The following ANO10 variants were observed in gnomAD, a reference collection of about 807,000 sequenced individuals.
The protein encoded by ANO10 is anoctamin-10.
A neutral mutation model predicts 74.7 loss-of-function variants in ANO10; 77 were observed. That is an observed-to-expected ratio of 1.03 (90% CI 0.86 to 1.25). The LOEUF (loss-of-function observed/expected upper bound fraction) is 1.25, where lower values mean the gene tolerates loss of function less well. ANO10 is among the 50% of genes most tolerant of loss of function. ANO10 has a pLI of 0.00. For synonymous variants in ANO10, 279 were observed against 284.9 expected (o/e 0.98, Z 0.21); for missense variants, 721 against 778.1 (o/e 0.93, Z 0.87).
chr3:43,628,301 C>T (rs2083511690), intron 1 of ANO10, among the ~76,000 whole-genome samples: 1 of 152,166 alleles, frequency 6.6e-6, no homozygotes, highest in South Asian at 2.1e-4. Context: ...CCTGTCTTTA[C>T]TGCAATCTGT....
intron 1 of ANO10, among the ~76,000 whole-genome samples, chr3:43,688,768 TG>T (rs907111193): frequency 3.3e-5 from 5 of 151,138 alleles, no homozygotes; most frequent in African/African-American, 1.2e-4. Flanking sequence ...TGCTTGAACC[TG>T]GGAGGTGCAG....
chr3:43,372,804 C>T (rs979735257), intron 12 of ANO10: 1 of 1,532,490 alleles, frequency 6.5e-7, no homozygotes, highest in South Asian at 1.2e-5. Context: ...TGAGTTGGTG[C>T]TCCATGAATA....
At chr3:43,458,276 A>G (rs2075228450) in intron 11 of ANO10, among the ~76,000 whole-genome samples, 1 of 152,186 alleles carries the variant, frequency 6.6e-6, no homozygotes, top group South Asian at 2.1e-4. Context: ...AGATCCTTAT[A>G]GCACCCCACA....
chr3:43,555,421 T>A lies in ANO10; in HGVS notation c.1525A>T (p.Ser509Cys). ...LELFLQFGYV[S>C]LFSCVYPLAA... is the part of the protein sequence containing the mutation. Reference sequence around the variant, plus strand: ...AATGGGTAAACACAGGAGAAAAGGCTCACATAACCAAACTGCAGGAATAAC... The same window carrying A: ...AATGGGTAAACACAGGAGAAAAGGCACACATAACCAAACTGCAGGAATAAC... Residue 509 changes from serine (S) to cysteine (C), a missense_variant, in exon 10 of 13, where the codon AGC (serine) becomes TGC (cysteine). Ser to Cys is a moderately radical substitution (Grantham distance 112, BLOSUM62 -1). Coordinates refer to ENST00000292246, the MANE Select transcript of ANO10 (RefSeq NM_018075.5). 1 of 1,614,116 alleles carries A rather than the reference T, an allele frequency of 6.2e-7. No individual in the cohort carries two copies. Among genetic ancestry groups the A allele is most frequent in the African/African-American group, 1.3e-5 (1 of 75,044 alleles).
chr3:43,646,762 A>G (rs1436320449), intron 1 of ANO10, among the ~76,000 whole-genome samples: 1 of 152,138 alleles, frequency 6.6e-6, no homozygotes, highest in Admixed American at 6.5e-5. Context: ...TGCCTGCCTC[A>G]GCCTCCCAAA....
At chr3:43,657,623 T>A (rs1299842045) in intron 1 of ANO10, among the ~76,000 whole-genome samples, 1 of 152,238 alleles carries the variant, frequency 6.6e-6, no homozygotes, top group Non-Finnish European at 1.5e-5. Flanking sequence ...AGAAAACTAG[T>A]TTAATCAATC....
intron 1 of ANO10, among the ~76,000 whole-genome samples, chr3:43,614,092 T>A (rs1386877258): frequency 1.3e-5 from 2 of 152,150 alleles, no homozygotes; most frequent in Non-Finnish European, 2.9e-5. Context: ...GAATGTCTAG[T>A]TTAAGGGAAC....
intron 11 of ANO10, among the ~76,000 whole-genome samples, chr3:43,529,662 C>T (rs928789846): frequency 1.3e-5 from 2 of 151,714 alleles, no homozygotes; most frequent in African/African-American, 2.4e-5. Flanking sequence ...ATAATGAGAG[C>T]AGAAGAGAAA....
intron 11 of ANO10, among the ~76,000 whole-genome samples, chr3:43,476,529 T>C (rs2076071901): frequency 6.6e-6 from 1 of 152,230 alleles, no homozygotes. Flanking sequence ...CTTCATGTTA[T>C]ATCAGATAAA....
chr3:43,691,055 A>AG, intron 1 of ANO10: 1 of 1,544,612 alleles, frequency 6.5e-7, no homozygotes, highest in South Asian at 1.2e-5. Context: ...CGCAGCCGGC[A>AG]GGGGGCTTCG....
rs141040660 is a variant in ANO10 at position 43,549,834 on chromosome 3, C to T, written c.1683G>A (p.Thr561=). The change falls in exon 11 of 13, where the codon ACG becomes ACA. Residue 561 remains threonine, a synonymous_variant. Coordinates refer to ENST00000292246, the MANE Select transcript of ANO10 (RefSeq NM_018075.5). ...TAGTGACCACAGATATAACACTCAT[C>T]GTTTCAAAAGCCAACTAAAAGAAAA... ...NIGVWQLAFE[T]MSVISVVTNC... 18 of 1,613,674 alleles carry T rather than the reference C, an allele frequency of 1.1e-5. No individual in the cohort carries two copies. Among genetic ancestry groups the T allele is most frequent in the African/African-American group, 6.7e-5 (5 of 74,866 alleles).
intron 11 of ANO10, among the ~76,000 whole-genome samples, chr3:43,544,430 CAT>C (rs1391608655): frequency 2.6e-5 from 4 of 151,824 alleles, no homozygotes; most frequent in African/African-American, 9.7e-5. Context: ...ACACAGTTCT[CAT>C]AATACAGCAG....
In ANO10 at chr3:43,418,964, T is replaced by A. The variant is rs1168933061; in HGVS notation, c.1914+13647A>T. Among the ~76,000 whole-genome samples the A allele has an allele frequency of 3.9e-5, 6 of 152,378 alleles. No homozygotes were observed. The East Asian group carries it at 1.2e-3, about 29-fold the overall frequency. On this transcript the variant is annotated intron_variant, in intron 12 of 12. Coordinates refer to ENST00000292246, the MANE Select transcript of ANO10 (RefSeq NM_018075.5). ...ATTACAGCAGCAGAACTATTAGCTGTGATAGAGACTGGATGGCCCACGTGC... is the reference window on the plus strand; with the variant it reads ...ATTACAGCAGCAGAACTATTAGCTGAGATAGAGACTGGATGGCCCACGTGC...
At chr3:43,659,187 C>A (rs2083891510) in intron 1 of ANO10, among the ~76,000 whole-genome samples, 1 of 152,128 alleles carries the variant, frequency 6.6e-6, no homozygotes, top group South Asian at 2.1e-4. Context: ...GTACCTGGTT[C>A]ATCTCACTGG....
intron 8 of ANO10, 129 bp downstream of exon 8, chr3:43,565,524 G>T: frequency 2.5e-6 from 2 of 811,050 alleles, no homozygotes; most frequent in Non-Finnish European, 3.9e-6. Flanking sequence ...TTTAGAATTT[G>T]GCTTAAAAAC....
chr3:43,504,810 T>A (rs1042443075), intron 11 of ANO10, among the ~76,000 whole-genome samples: 27 of 152,016 alleles, frequency 1.8e-4, no homozygotes, highest in African/African-American at 6.3e-4. Flanking sequence ...CTTGGCTAAT[T>A]TTTGTATTTT....
At chr3:43,595,307 C>CA (rs1184778060) in intron 4 of ANO10, among the ~76,000 whole-genome samples, 2 of 151,942 alleles carry the variant, frequency 1.3e-5, no homozygotes, top group Non-Finnish European at 2.9e-5. Flanking sequence ...AGAGACACAA[C>CA]AAAAAAAGAG....
At chr3:43,434,153 G>A (rs1299658348) in intron 11 of ANO10, among the ~76,000 whole-genome samples, 3 of 152,154 alleles carry the variant, frequency 2.0e-5, no homozygotes, top group African/African-American at 7.2e-5. Context: ...CCCAGGACAG[G>A]CTAAGCAGTG....
chr3:43,438,010 T>G (rs986096682), intron 11 of ANO10, among the ~76,000 whole-genome samples: 1 of 152,130 alleles, frequency 6.6e-6, no homozygotes, highest in African/African-American at 2.4e-5. Context: ...CTCAGTGAGC[T>G]ATAAGAGGTC....
Sources: gnomAD v4.1 joint callset for allele counts (sites outside exome capture counted in the v4.1 genomes callset) on GRCh38, gnomAD v4.1.1 for gene constraint, MANE v1.5 for transcripts, NCBI Gene and HGNC (gene_info 2026-07-23, HGNC 2026-07-21) for gene names.